TUSC3: variants seen among roughly 807,000 people sequenced by gnomAD.
TUSC3 encodes the protein dolichyl-diphosphooligosaccharide--protein glycosyltransferase subunit TUSC3.
Under a neutral mutation model 44.8 loss-of-function variants are expected in TUSC3, and 45 were observed. The observed-to-expected ratio is 1.00, with a 90% CI of 0.79 to 1.29. The LOEUF is 1.29. Ranked by LOEUF, TUSC3 falls within the 50% of genes most tolerant of loss-of-function variation. The probability of loss-of-function intolerance (pLI) is 0.00; values close to 1 mark genes in which losing one functional copy is unlikely to be tolerated. For missense variants in TUSC3, 519 were observed against 437.9 expected (o/e 1.19, Z -1.65); for synonymous variants, 212 against 152.9 (o/e 1.39, Z -2.85).
the TUSC3 span, among the ~76,000 whole-genome samples, chr8:15,802,079 G>A: frequency 4.1e-3 from 619 of 152,146 alleles, 5 homozygotes; most frequent in African/African-American, 0.014. Context: ...GCTGTTACAC[G>A]TGACTCTTGT....
intron 10 of TUSC3, among the ~76,000 whole-genome samples, chr8:15,762,183 T>C (rs931326520): frequency 3.3e-5 from 5 of 152,008 alleles, no homozygotes; most frequent in Non-Finnish European, 5.9e-5. Flanking sequence ...TTCAAGTGTT[T>C]CCAGTGTCTT....
At chr8:15,718,309 A>G (rs1279133446) in intron 6 of TUSC3, among the ~76,000 whole-genome samples, 1 of 152,162 alleles carries the variant, frequency 6.6e-6, no homozygotes, top group Middle Eastern at 3.2e-3. Flanking sequence ...TTTGTGATGG[A>G]TTGTAAGGTA....
At chr8:15,751,307 A>G (rs1346285649) in intron 9 of TUSC3, among the ~76,000 whole-genome samples, 2 of 152,162 alleles carry the variant, frequency 1.3e-5, no homozygotes, top group African/African-American at 4.8e-5. Flanking sequence ...AAAAGTTCAG[A>G]AAGTAGGTCA....
chr8:15,673,898 A>G, intron 6 of TUSC3, 62 bp downstream of exon 6: 1 of 1,388,478 alleles, frequency 7.2e-7, no homozygotes, highest in South Asian at 1.2e-5. Flanking sequence ...TAGGAATAAG[A>G]AATTATGTTT....
chr8:15,540,836 CA>C (rs1417851921), intron 1 of TUSC3, among the ~76,000 whole-genome samples: 1 of 152,224 alleles, frequency 6.6e-6, no homozygotes, highest in Non-Finnish European at 1.5e-5. Context: ...CCTTTATTCC[CA>C]GCTGGAAGCC....
chr8:15,643,436 A>G (rs1470805340), intron 2 of TUSC3, among the ~76,000 whole-genome samples: 1 of 151,940 alleles, frequency 6.6e-6, no homozygotes, highest in Non-Finnish European at 1.5e-5. Context: ...GGAGAACCAA[A>G]ATTTCTTTGA....
At chr8:15,825,694 G>A in the TUSC3 span, among the ~76,000 whole-genome samples, 1 of 152,130 alleles carries the variant, frequency 6.6e-6, no homozygotes, top group South Asian at 2.1e-4. Flanking sequence ...TAAGTGCCTT[G>A]AAGTGTTACG....
intron 1 of TUSC3, among the ~76,000 whole-genome samples, chr8:15,449,292 C>A (rs1341646236): frequency 6.6e-6 from 1 of 152,182 alleles, no homozygotes; most frequent in Non-Finnish European, 1.5e-5. Context: ...AATTAAGCTT[C>A]ATGCCTTTTC....
At chr8:15,531,342 C>T (rs1446558836) in intron 2 of TUSC3, among the ~76,000 whole-genome samples, 1 of 152,190 alleles carries the variant, frequency 6.6e-6, no homozygotes, top group African/African-American at 2.4e-5. Context: ...ACCTCCATCT[C>T]CTGGGTTAAA....
chr8:15,723,593 C>G (rs528160899), intron 6 of TUSC3, among the ~76,000 whole-genome samples: 1 of 152,000 alleles, frequency 6.6e-6, no homozygotes, highest in Admixed American at 6.6e-5. Context: ...ATCACATCTG[C>G]CATTTGGTGT....
chr8:15,806,224 T>C, the TUSC3 span: 1 of 538,046 alleles, frequency 1.9e-6, no homozygotes, highest in South Asian at 1.8e-5. Context: ...ATGGCTTCAA[T>C]AACATTTTGC....
rs75902264 is a variant in TUSC3, at chr8:15,522,705, G to A, written n.189+39222G>A. 4.9e-3 allele frequency among the ~76,000 whole-genome samples: 747 copies of A among 152,196 alleles called. 6 individuals carry two copies. Among genetic ancestry groups the A allele is most frequent in the African/African-American group, 0.017 (705 of 41,530 alleles). ...TCCAATCCAGGAGACAGGATAGGAG[G>A]CAGTGAGGAGGAAAAGCATCATCTT... On this transcript the variant is annotated intron_variant and non_coding_transcript_variant, in intron 2 of 5. Transcript: ENST00000503191.
intron 9 of TUSC3, among the ~76,000 whole-genome samples, chr8:15,750,628 C>A (rs1811657081): frequency 6.6e-6 from 1 of 151,834 alleles, no homozygotes; most frequent in Non-Finnish European, 1.5e-5. Flanking sequence ...GACATAGAAA[C>A]TACCCAGAAA....
chr8:15,524,860 C>G (rs917659300), intron 2 of TUSC3, among the ~76,000 whole-genome samples: 3 of 152,132 alleles, frequency 2.0e-5, no homozygotes, highest in African/African-American at 7.2e-5. Context: ...TTAAGCCAGA[C>G]ATTGGCAAAA....
the TUSC3 span, among the ~76,000 whole-genome samples, chr8:15,785,628 T>G: frequency 6.6e-6 from 1 of 152,042 alleles, no homozygotes; most frequent in Non-Finnish European, 1.5e-5. Context: ...GCAACACCTC[T>G]CCACTCCCTT....
intron 6 of TUSC3, among the ~76,000 whole-genome samples, chr8:15,711,297 A>G (rs1809839243): frequency 6.6e-6 from 1 of 151,806 alleles, no homozygotes; most frequent in African/African-American, 2.4e-5. Flanking sequence ...GAATTTCTTC[A>G]TTAGGCATAG....
chr8:15,605,915 A>G (rs760135886), intron 1 of TUSC3, among the ~76,000 whole-genome samples: 6 of 152,148 alleles, frequency 3.9e-5, no homozygotes, highest in Non-Finnish European at 5.9e-5. Context: ...GTGTTGCAGT[A>G]GCCACTTAAA....
chr8:15,809,014 A>T, the TUSC3 span, among the ~76,000 whole-genome samples: 1 of 152,316 alleles, frequency 6.6e-6, no homozygotes, highest in South Asian at 2.1e-4. Context: ...ACTGCTTGAA[A>T]GGCCAAACTC....
intron 1 of TUSC3, among the ~76,000 whole-genome samples, chr8:15,584,868 T>C (rs1803531047): frequency 6.6e-6 from 1 of 152,152 alleles, no homozygotes; most frequent in South Asian, 2.1e-4. Context: ...TGGAAAGATA[T>C]AATTGGAGGT....
Sources: gnomAD v4.1 joint callset for allele counts (sites outside exome capture counted in the v4.1 genomes callset) on GRCh38, gnomAD v4.1.1 for gene constraint, MANE v1.5 for transcripts, NCBI Gene and HGNC (gene_info 2026-07-23, HGNC 2026-07-21) for gene names.